Variants in ABI1 observed in about 807,000 individuals in gnomAD.
ABI1 encodes the protein Abelson interactor 1.
A neutral mutation model predicts 54.6 loss-of-function variants in ABI1; 14 were observed. The observed-to-expected ratio is 0.26, with a 90% CI of 0.17 to 0.40. ABI1 has a LOEUF of 0.40. ABI1 is among the 10% of genes least tolerant of loss of function. The probability of loss-of-function intolerance (pLI) is 1.00; values close to 1 mark genes in which losing one functional copy is unlikely to be tolerated. For missense variants in ABI1, 443 were observed against 598.3 expected (o/e 0.74, Z 2.71); for synonymous variants, 194 against 209.3 (o/e 0.93, Z 0.63).
intron 2 of ABI1, among the ~76,000 whole-genome samples, chr10:26,817,632 G>C (rs1349150522): frequency 6.6e-6 from 1 of 152,078 alleles, no homozygotes; most frequent in Non-Finnish European, 1.5e-5. Flanking sequence ...GATGAATGGT[G>C]GTGATAATTA....
intron 1 of ABI1, among the ~76,000 whole-genome samples, chr10:26,856,433 CAAAAAAAAAAA>C (rs58195958): frequency 5.4e-4 from 31 of 57,780 alleles, no homozygotes; most frequent in South Asian, 2.2e-3. Flanking sequence ...ATCTGTTACT[CAAAAAAAAAAA>C]AAAAAAAAAA....
At chr10:26,763,317 T>C (rs1839474423) in intron 7 of ABI1, among the ~76,000 whole-genome samples, 1 of 152,234 alleles carries the variant, frequency 6.6e-6, no homozygotes, top group African/African-American at 2.4e-5. Flanking sequence ...AAAATATATT[T>C]AAAATTCCTT....
At position 26,860,801 on chromosome 10, in the gene ABI1, C is replaced by G; in HGVS notation, c.63G>C (p.Glu21Asp). 1 of 1,614,210 alleles carries G rather than the reference C, an allele frequency of 6.2e-7. No individual in the cohort carries two copies. The highest frequency in any genetic ancestry group is 1.1e-5 in the South Asian group (1 of 91,084). The change falls in exon 1 of 11, where the codon GAG becomes GAC. Residue 21 changes from glutamate to aspartate, a missense_variant. Physicochemically the swap from Glu to Asp is conservative, Grantham distance 45. This residue lies in a region of ABI1 where 394 missense variants were observed against 484.8 expected (regional missense o/e 0.81). Transcript: ENST00000376140. The surrounding 1 kb of genome is among the most constrained non-coding windows in gnomAD (Gnocchi z 4.1). ...CCACCCGAGTCAGGTTCTGGTAACT[C>G]TCGATCAGCGCCCTCTTGCCAGACG... The part of the protein sequence containing the change: ...EIPSGKRALI[E>D]SYQNLTRVAD...
At chr10:26,845,465 AAACCCCATCTCT>A (rs1436400283) in intron 1 of ABI1, among the ~76,000 whole-genome samples, 1 of 151,996 alleles carries the variant, frequency 6.6e-6, no homozygotes, top group African/African-American at 2.4e-5. Flanking sequence ...CAATATGATG[AAACCCCATCTCT>A]ACTAAAGCTA....
At chr10:26,786,751 C>G (rs1434783531) in intron 2 of ABI1, among the ~76,000 whole-genome samples, 1 of 152,204 alleles carries the variant, frequency 6.6e-6, no homozygotes, top group East Asian at 1.9e-4. Context: ...ACGTTACAGA[C>G]AGTGTCTCCC....
At chr10:26,767,402 G>C (rs1840092888) in intron 6 of ABI1, among the ~76,000 whole-genome samples, 1 of 152,140 alleles carries the variant, frequency 6.6e-6, no homozygotes, top group South Asian at 2.1e-4. Flanking sequence ...CAACCTAAGA[G>C]TGAAGGCAAA....
intron 1 of ABI1, among the ~76,000 whole-genome samples, chr10:26,829,679 T>C (rs1270332532): frequency 2.0e-5 from 3 of 152,072 alleles, no homozygotes; most frequent in Non-Finnish European, 4.4e-5. Context: ...TAAGGATCAA[T>C]GAGGATCATA....
chr10:26,751,697 G>A lies in ABI1; in HGVS notation c.1171C>T (p.Pro391Ser). ...DDSPPPPPPP[P>S]VDYEDEEAAV... ...GCCTCCTCATCTTCATAATCCACTG[G>A]TGGTGGTGGTGGGGGAGGTGGAGAG... The change falls in exon 10 of 11, where the codon CCA becomes TCA. Residue 391 changes from proline to serine, a missense_variant. By Grantham distance (74) the Pro-to-Ser change is moderately conservative. Around this residue, in one of 2 missense-constraint regions of ABI1, gnomAD observed 49 missense variants for 113.5 expected, o/e 0.43. Coordinates refer to ENST00000376140, the MANE Select transcript of ABI1 (RefSeq NM_001012750.3). 6.3e-7 allele frequency: 1 copy of A among 1,598,144 alleles called. No homozygotes were observed. Among genetic ancestry groups the A allele is most frequent in the East Asian group, 2.2e-5 (1 of 44,624 alleles).
At chr10:26,800,030 G>A (rs980037781) in intron 2 of ABI1, among the ~76,000 whole-genome samples, 13 of 143,524 alleles carry the variant, frequency 9.1e-5, no homozygotes, top group Admixed American at 2.8e-4. Flanking sequence ...AAAAAATTAA[G>A]ACAGTGGGAG....
At chr10:26,844,688 T>C (rs117308957) in intron 1 of ABI1, among the ~76,000 whole-genome samples, 4,081 of 152,324 alleles carry the variant, frequency 0.027, 69 homozygotes, top group Non-Finnish European at 0.039. Context: ...AGGGGGTCTA[T>C]AGATTCACTT....
intron 1 of ABI1, among the ~76,000 whole-genome samples, chr10:26,830,361 A>G (rs1308323834): frequency 6.6e-6 from 1 of 152,090 alleles, no homozygotes; most frequent in African/African-American, 2.4e-5. Context: ...GGGGCTCATG[A>G]CTGTAATCTC....
At position 26,769,004 on chromosome 10, in the gene ABI1, T is replaced by C. The variant is rs112088541; in HGVS notation, c.579-12A>G. 8.9e-5 allele frequency: 139 copies of C among 1,569,708 alleles called. 1 individual carries two copies. The African/African-American group carries it at 1.7e-3, about 19-fold the overall frequency. On this transcript the variant is annotated splice_polypyrimidine_tract_variant and intron_variant, in intron 5 of 10. Transcript: ENST00000376140. ...AAGGAGTATTCCGTCTAAAGGAGCA[T>C]AGTGGAGAAAGGAATAATGAATAAA...
chr10:26,770,146 A>C (rs1040955959), intron 5 of ABI1, 99 bp downstream of exon 5: 2 of 880,450 alleles, frequency 2.3e-6, no homozygotes, highest in African/African-American at 3.3e-5. Flanking sequence ...TCACATAGAG[A>C]GGGTAGTGTG....
chr10:26,823,360 T>C (rs1388410770), intron 1 of ABI1, 55 bp from the exon 2 acceptor site: 8 of 1,315,850 alleles, frequency 6.1e-6, no homozygotes, highest in Non-Finnish European at 8.0e-6. Flanking sequence ...TCATTAAATA[T>C]ATATTCTATA....
intron 2 of ABI1, among the ~76,000 whole-genome samples, chr10:26,815,080 T>G (rs1451011838): frequency 6.6e-6 from 1 of 152,068 alleles, no homozygotes; most frequent in African/African-American, 2.4e-5. Flanking sequence ...CTCATAAAGC[T>G]CTGAGAGATT....
rs899787466 is a variant in ABI1 at position 26,827,602 on chromosome 10, T to TG, written c.118-4298_118-4297insC. On this transcript the variant is annotated intron_variant, in intron 1 of 10. Coordinates refer to ENST00000376140, the MANE Select transcript of ABI1 (RefSeq NM_001012750.3). ...TTTTCACTTTCTGTTTTTTGTTTTT[T>TG]TTTTTTTTGAGATGGAGTCTTGCTC... Among the ~76,000 whole-genome samples the TG allele has an allele frequency of 1.3e-4, 20 of 150,320 alleles. No individual in the cohort carries two copies. In the East Asian group the frequency reaches 2.3e-3, roughly 18 times the overall value.
chr10:26,748,484 A>T lies in ABI1; in HGVS notation c.*86T>A. The T allele has an allele frequency of 3.0e-6, 3 of 1,013,618 alleles. No individual in the cohort carries two copies. The highest frequency in any genetic ancestry group is 4.2e-6 in the Non-Finnish European group (3 of 722,576). The allele number at this position is 1,013,618 out of a possible 1,614,324, so 62.8% of individuals were successfully genotyped here. A position where few individuals can be genotyped will look rare whatever the true frequency, so the allele number is the denominator to read the frequency against. ...TGTTCTGAAAATATGGGCACATTTT[A>T]AAACATATTAAGACAGTTCTGTTAA... is the stretch of plus-strand genomic sequence containing the variant. On this transcript the variant is annotated 3_prime_UTR_variant, in exon 11 of 11. Coordinates refer to ENST00000376140, the MANE Select transcript of ABI1 (RefSeq NM_001012750.3).
intron 1 of ABI1, among the ~76,000 whole-genome samples, chr10:26,840,753 A>G (rs1406606202): frequency 6.6e-6 from 1 of 152,212 alleles, no homozygotes; most frequent in East Asian, 1.9e-4. Flanking sequence ...GAAACAAGAG[A>G]CAAAAAATAA....
At chr10:26,853,300 CTTT>C (rs74928196) in intron 1 of ABI1, among the ~76,000 whole-genome samples, 19,286 of 138,612 alleles carry the variant, frequency 0.14, 1,710 homozygotes, top group African/African-American at 0.26. Flanking sequence ...CAACAATGCC[CTTT>C]TTTTTTTTTA....
Sources: allele counts gnomAD v4.1 joint callset (sites outside exome capture counted in the v4.1 genomes callset), GRCh38; gene constraint gnomAD v4.1.1; regional missense constraint gnomAD v4.1.1; non-coding constraint Gnocchi (gnomAD v3.1); transcripts MANE v1.5; gene names NCBI Gene and HGNC (gene_info 2026-07-23, HGNC 2026-07-21).